Variants in ENTREP2 observed in about 807,000 individuals in gnomAD.
The protein encoded by ENTREP2 is endosomal transmembrane epsin interactor 2, also known as protein ENTREP2.
At chr15:29,473,743 C>T in the ENTREP2 span, among the ~76,000 whole-genome samples, 1 of 152,240 alleles carries the variant, frequency 6.6e-6, no homozygotes, top group African/African-American at 2.4e-5. Flanking sequence ...TGGACACCGG[C>T]TGTCCTCAGT....
the ENTREP2 span, among the ~76,000 whole-genome samples, chr15:29,527,910 T>G: frequency 6.6e-6 from 1 of 152,100 alleles, no homozygotes; most frequent in African/African-American, 2.4e-5. Flanking sequence ...GCTGCTAAGA[T>G]TATGACAAAC....
the ENTREP2 span, among the ~76,000 whole-genome samples, chr15:29,348,572 G>C: frequency 2.0e-5 from 3 of 152,128 alleles, no homozygotes; most frequent in Admixed American, 2.0e-4. Context: ...TGGAGTCTTC[G>C]GAGCATTTCC....
At chr15:29,387,460 A>C in the ENTREP2 span, among the ~76,000 whole-genome samples, 1 of 152,220 alleles carries the variant, frequency 6.6e-6, no homozygotes, top group African/African-American at 2.4e-5. Flanking sequence ...CTGCTCAACG[A>C]AATAAAAGAG....
chr15:29,156,207 G>A, the ENTREP2 span, among the ~76,000 whole-genome samples: 13 of 150,830 alleles, frequency 8.6e-5, 1 homozygote, highest in South Asian at 2.7e-3. Flanking sequence ...TTGTTTTTGA[G>A]ATGGAGTCTT....
chr15:29,456,887 T>C, the ENTREP2 span, among the ~76,000 whole-genome samples: 1 of 152,244 alleles, frequency 6.6e-6, no homozygotes, highest in Non-Finnish European at 1.5e-5. Flanking sequence ...AAAAAGTCTA[T>C]AAACAGGTAC....
At chr15:29,481,577 T>C in the ENTREP2 span, among the ~76,000 whole-genome samples, 1 of 152,214 alleles carries the variant, frequency 6.6e-6, no homozygotes, top group Non-Finnish European at 1.5e-5. Context: ...CTACTTATAA[T>C]CTAATAAAAA....
chr15:29,529,246 GGTGT>G, the ENTREP2 span, among the ~76,000 whole-genome samples: 1 of 146,008 alleles, frequency 6.8e-6, no homozygotes, highest in Non-Finnish European at 1.5e-5. Flanking sequence ...GGTGTGGAGG[GGTGT>G]GTGAGGGTGT....
the ENTREP2 span, among the ~76,000 whole-genome samples, chr15:29,223,944 G>C: frequency 2.6e-5 from 4 of 152,270 alleles, no homozygotes; most frequent in South Asian, 4.1e-4. Flanking sequence ...CTCGCGCCCA[G>C]CTCTGCCTGT....
the ENTREP2 span, among the ~76,000 whole-genome samples, chr15:29,176,880 G>T: frequency 6.6e-6 from 1 of 152,204 alleles, no homozygotes; most frequent in Non-Finnish European, 1.5e-5. Flanking sequence ...CCCTCTCTGG[G>T]CCTGGCTCTC....
the ENTREP2 span, among the ~76,000 whole-genome samples, chr15:29,364,020 G>A: frequency 2.3e-4 from 35 of 152,152 alleles, no homozygotes; most frequent in Admixed American, 1.4e-3. Context: ...CCAAACATCC[G>A]CAGGATAAAT....
the ENTREP2 span, among the ~76,000 whole-genome samples, chr15:29,188,786 G>T: frequency 6.6e-6 from 1 of 152,160 alleles, no homozygotes; most frequent in Non-Finnish European, 1.5e-5. Context: ...GGGGCTTTCA[G>T]CCCCACTCCC....
At chr15:29,563,285 C>T in the ENTREP2 span, among the ~76,000 whole-genome samples, 11 of 152,272 alleles carry the variant, frequency 7.2e-5, no homozygotes, top group South Asian at 1.5e-3. Flanking sequence ...ACTAATTATA[C>T]ATATATTGAA....
the ENTREP2 span, chr15:29,570,596 C>G: frequency 6.8e-7 from 1 of 1,463,922 alleles, no homozygotes; most frequent in East Asian, 3.0e-5. Context: ...GATGAGGCAT[C>G]CGAGCGCCAT....
At chr15:29,202,583 A>C in the ENTREP2 span, among the ~76,000 whole-genome samples, 5 of 152,126 alleles carry the variant, frequency 3.3e-5, no homozygotes, top group Non-Finnish European at 7.3e-5. Flanking sequence ...CCCATCATCT[A>C]GGTTTTAAGC....
At chr15:29,671,740 T>C in the ENTREP2 span, among the ~76,000 whole-genome samples, 1 of 152,202 alleles carries the variant, frequency 6.6e-6, no homozygotes, top group African/African-American at 2.4e-5. Context: ...TCTGAGCCAC[T>C]CATTTCCCCT....
chr15:29,349,789 T>C, the ENTREP2 span, among the ~76,000 whole-genome samples: 2 of 152,224 alleles, frequency 1.3e-5, no homozygotes, highest in African/African-American at 2.4e-5. Flanking sequence ...TCCCAGCTAC[T>C]TGGGAGGCTG....
the ENTREP2 span, chr15:29,128,731 A>G: frequency 7.8e-7 from 1 of 1,281,178 alleles, no homozygotes; most frequent in African/African-American, 1.5e-5. Flanking sequence ...AGGACGAAAA[A>G]GAGACACCCT....
the ENTREP2 span, among the ~76,000 whole-genome samples, chr15:29,667,638 C>CAT: frequency 6.6e-6 from 1 of 151,704 alleles, no homozygotes. Context: ...GGATTACAGG[C>CAT]GCCTGCCACC....
chr15:29,635,603 G>A, the ENTREP2 span, among the ~76,000 whole-genome samples: 1 of 152,126 alleles, frequency 6.6e-6, no homozygotes, highest in Non-Finnish European at 1.5e-5. Context: ...TCCCCAGGGT[G>A]CAGCCACAGC....
Sources: allele counts gnomAD v4.1 joint callset (sites outside exome capture counted in the v4.1 genomes callset), GRCh38; gene constraint gnomAD v4.1.1; transcripts MANE v1.5; gene names NCBI Gene and HGNC (gene_info 2026-07-23, HGNC 2026-07-21).